The following STK11 variants were observed in gnomAD, a reference collection of about 807,000 sequenced individuals.
STK11 encodes the protein serine/threonine kinase 11, also known as serine/threonine-protein kinase STK11.
STK11 carries 8 observed loss-of-function variants against 47.3 expected under a neutral mutation model. The observed-to-expected ratio is 0.17, with a 90% CI of 0.10 to 0.31. STK11 has a LOEUF of 0.31. STK11 is among the 10% of genes least tolerant of loss of function. The pLI, the probability that STK11 is intolerant of heterozygous loss-of-function variation, is 1.00. For synonymous variants in STK11, 330 were observed against 255.8 expected (o/e 1.29, Z -2.77); for missense variants, 475 against 605.0 (o/e 0.79, Z 2.25).
At chr19:1,217,175 T>C (rs962888794) in intron 1 of STK11, among the ~76,000 whole-genome samples, 4 of 152,124 alleles carry the variant, frequency 2.6e-5, no homozygotes, top group African/African-American at 9.7e-5. Context: ...GCCCACCCAC[T>C]GGGTGTGAGG....
intron 2 of STK11, 69 bp downstream of exon 2, chr19:1,218,569 C>A: frequency 7.6e-7 from 1 of 1,323,472 alleles, no homozygotes. Context: ...CCGCCTGCCT[C>A]GAGGCCTGCT....
At chr19:1,211,765 G>C (rs1044605028) in intron 1 of STK11, among the ~76,000 whole-genome samples, 1 of 152,262 alleles carries the variant, frequency 6.6e-6, no homozygotes, top group South Asian at 2.1e-4. Context: ...CCGCCCCCGC[G>C]GTGTCCAGCC....
chr19:1,219,284 G>A (rs1164505050), intron 2 of STK11, 40 bp from the exon 3 acceptor site: 2 of 1,553,684 alleles, frequency 1.3e-6, no homozygotes, highest in African/African-American at 2.7e-5. Flanking sequence ...GGGCCTGTGA[G>A]TGGGGCCGCC....
rs1271098467 is a variant in STK11, at chr19:1,227,632, C to G, written c.*56C>G. The G allele has an allele frequency of 9.4e-7, 1 of 1,067,192 alleles. No individual in the cohort carries two copies. Among genetic ancestry groups the G allele is most frequent in the Admixed American group, 5.3e-5 (1 of 18,728 alleles). The allele number at this position is 1,067,192 out of a possible 1,614,324, so 66.1% of individuals were successfully genotyped here. A position where few individuals can be genotyped will look rare whatever the true frequency, so the allele number is the denominator to read the frequency against. ...CCCCGCCAGGTGCCCGCGCCAGGCC[C>G]TCAGTCTTCCTGCCGGTTCCGCCCG... On this transcript the variant is annotated 3_prime_UTR_variant, in exon 10 of 10. Transcript: ENST00000326873.
intron 9 of STK11, chr19:1,226,888 C>A (rs759533999): frequency 2.2e-5 from 12 of 552,108 alleles, no homozygotes; most frequent in Middle Eastern, 4.8e-4. Context: ...CTACGTGTGG[C>A]GGGGCTCTGG....
chr19:1,225,575 G>A (rs1186933657), intron 8 of STK11: 17 of 985,388 alleles, frequency 1.7e-5, no homozygotes, highest in Non-Finnish European at 2.0e-5. Context: ...GGCCCAAGGT[G>A]CTTTTTTAAA....
In STK11 at chr19:1,228,073, G is replaced by GA. The variant is rs1426744537; in HGVS notation, c.*503dup. 3.8e-6 allele frequency: 4 copies of GA among 1,042,488 alleles called. No homozygotes were observed. The highest frequency in any genetic ancestry group is 4.6e-6 in the Non-Finnish European group (4 of 864,384). The allele number at this position is 1,042,488 out of a possible 1,614,324, so 64.6% of individuals were successfully genotyped here. ...TTTCTTTTTTTCTTTTTTTTTTTAA[G>GA]AAAAAATAAAAGGTGGATTTGAGCT... On this transcript the variant is annotated 3_prime_UTR_variant, in exon 10 of 10. Transcript: ENST00000326873.
At position 1,226,670 on chromosome 19, in the gene STK11, C is replaced by T. The variant is rs992400907; in HGVS notation, c.*16+7C>T. 6.8e-5 allele frequency: 101 copies of T among 1,490,806 alleles called. No homozygotes were observed. Among genetic ancestry groups the T allele is most frequent in the Non-Finnish European group, 8.3e-5 (93 of 1,124,688 alleles). The allele number at this position is 1,490,806 out of a possible 1,614,324, so 92.3% of individuals were successfully genotyped here. A position where few individuals can be genotyped will look rare whatever the true frequency, so the allele number is the denominator to read the frequency against. On this transcript the variant is annotated splice_region_variant and intron_variant, in intron 9 of 9. Coordinates refer to ENST00000326873, the MANE Select transcript of STK11 (RefSeq NM_000455.5). ...TGAGGCTGGCCGCCTGCAGGTGGGG[C>T]GCGGCGGGGCCCGGGTGGGGCATGT...
At chr19:1,226,790 G>C in intron 9 of STK11, 127 bp downstream of exon 9, 10 of 1,207,106 alleles carry the variant, frequency 8.3e-6, no homozygotes, top group Non-Finnish European at 1.1e-5. Flanking sequence ...TTGCCATGTG[G>C]CCTTTGGGTG....
chr19:1,212,995 T>G (rs2080721876), intron 1 of STK11, among the ~76,000 whole-genome samples: 1 of 135,758 alleles, frequency 7.4e-6, no homozygotes, highest in African/African-American at 2.8e-5. Flanking sequence ...TTCACCTTTT[T>G]TTTTTTTTTT....
At chr19:1,220,920 C>T (rs1392197449) in intron 5 of STK11, among the ~76,000 whole-genome samples, 9 of 152,220 alleles carry the variant, frequency 5.9e-5, no homozygotes, top group African/African-American at 1.9e-4. Context: ...CAGCCTGGCC[C>T]GTCAGGGATC....
intron 3 of STK11, among the ~76,000 whole-genome samples, chr19:1,219,767 A>C (rs543022125): frequency 6.6e-6 from 1 of 151,890 alleles, no homozygotes; most frequent in Non-Finnish European, 1.5e-5. Flanking sequence ...GGATGGTCTC[A>C]AACTCCTGAC....
chr19:1,213,598 C>T (rs957892146), intron 1 of STK11, among the ~76,000 whole-genome samples: 6 of 152,244 alleles, frequency 3.9e-5, no homozygotes, highest in African/African-American at 7.2e-5. Flanking sequence ...GGCCTGGGTC[C>T]GAACCTCTCT....
chr19:1,209,107 C>G (rs1038904087), intron 1 of STK11, among the ~76,000 whole-genome samples: 2 of 152,092 alleles, frequency 1.3e-5, no homozygotes, highest in Admixed American at 1.3e-4. Flanking sequence ...TGGCCAGTGC[C>G]TTGAGTCAGT....
At chr19:1,208,488 T>A (rs1170940081) in intron 1 of STK11, among the ~76,000 whole-genome samples, 1 of 150,760 alleles carries the variant, frequency 6.6e-6, no homozygotes, top group Non-Finnish European at 1.5e-5. Context: ...TTTGTATTTT[T>A]CAGTAGAGAC....
chr19:1,224,968 G>C (rs919635287), intron 8 of STK11: 1 of 985,574 alleles, frequency 1.0e-6, no homozygotes, highest in Non-Finnish European at 1.2e-6. Context: ...CCTCGGGTCA[G>C]GCCATCCTCT....
At chr19:1,220,276 G>A in intron 3 of STK11, 97 bp from the exon 4 acceptor site, 2 of 1,474,166 alleles carry the variant, frequency 1.4e-6, no homozygotes, top group Admixed American at 2.0e-5. Context: ...TCCCAGCTGG[G>A]CCTGTGGTGT....
At chr19:1,208,784 ATT>A (rs138858798) in intron 1 of STK11, among the ~76,000 whole-genome samples, 4,777 of 121,690 alleles carry the variant, frequency 0.039, 336 homozygotes, top group African/African-American at 0.14. Flanking sequence ...TGCCCAGCTA[ATT>A]TTTTTTTTTT....
Position 1,207,345 on chromosome 19 carries a change from G to A in STK11, c.290+142G>A, listed in dbSNP as rs909827394. On this transcript the variant is annotated intron_variant, in intron 1 of 9. Transcript: ENST00000326873. ...GACCCGTCTGGCGCCTGTGTCCTCC[G>A]TGCCAGGGAGAGCGTGGTTGGGGGC... 3 of 1,193,998 alleles carry A rather than the reference G, an allele frequency of 2.5e-6. No homozygotes were observed. The Admixed American group carries it at 8.1e-5, about 32-fold the overall frequency. 74.0% of individuals were successfully genotyped at this position (1,193,998 alleles called of 1,614,324 possible). A position where few individuals can be genotyped will look rare whatever the true frequency, so the allele number is the denominator to read the frequency against.
Sources: gnomAD v4.1 joint callset for allele counts (sites outside exome capture counted in the v4.1 genomes callset) on GRCh38, gnomAD v4.1.1 for gene constraint, MANE v1.5 for transcripts, NCBI Gene and HGNC (gene_info 2026-07-23, HGNC 2026-07-21) for gene names.